IL18BP: variants seen among roughly 807,000 people sequenced by gnomAD.
IL18BP encodes interleukin-18-binding protein.
In IL18BP, 23 loss-of-function variants were observed where a neutral mutation model predicts 19.9. The ratio of observed to expected loss-of-function variants is 1.15; its 90% CI spans 0.83 to 1.64. The LOEUF (loss-of-function observed/expected upper bound fraction) is 1.64. Among genes scored for constraint, IL18BP ranks in the 40% most tolerant of loss-of-function variants. The pLI, the probability that IL18BP is intolerant of heterozygous loss-of-function variation, is 0.00. For synonymous variants in IL18BP, 107 were observed against 101.0 expected (o/e 1.06, Z -0.35); for missense variants, 239 against 240.7 (o/e 0.99, Z 0.05).
In IL18BP at chr11:72,001,562, C is replaced by G; in HGVS notation, c.507+10C>G. The G allele has an allele frequency of 6.2e-7, 1 of 1,609,834 alleles. No individual in the cohort carries two copies. Among genetic ancestry groups the G allele is most frequent in the South Asian group, 1.1e-5 (1 of 90,354 alleles). Reference sequence around the variant, plus strand: ...CCTGGCCCAGCTCTGGGTGAGGAGCCCAAGGAGAGGCCTCCAGGAACAGGA... The same window carrying G: ...CCTGGCCCAGCTCTGGGTGAGGAGCGCAAGGAGAGGCCTCCAGGAACAGGA... On this transcript the variant is annotated intron_variant, in intron 5 of 5. Coordinates refer to ENST00000393703, the MANE Select transcript of IL18BP (RefSeq NM_001039660.2).
At chr11:72,003,226 C>G (rs1309333019), downstream of IL18BP, 2 of 466,716 alleles carry the variant, frequency 4.3e-6, no homozygotes, top group Non-Finnish European at 7.8e-6. Context: ...AAGGACCCAG[C>G]CATCAAAACC....
chr11:72,007,306 A>G, downstream of IL18BP: 5 of 1,613,172 alleles, frequency 3.1e-6, no homozygotes, highest in Non-Finnish European at 4.2e-6. Context: ...GGGGGGCCTG[A>G]CTCCGAGCAG....
downstream of IL18BP, chr11:72,007,710 A>G: frequency 4.0e-6 from 2 of 495,860 alleles, no homozygotes; most frequent in Non-Finnish European, 7.2e-6. Flanking sequence ...CACAGCAAAC[A>G]CGTCCCAATC....
At chr11:72,005,249 TAGC>T (rs1217981689), downstream of IL18BP, 1 of 1,602,188 alleles carries the variant, frequency 6.2e-7, no homozygotes. Flanking sequence ...CTCCAGGGGA[TAGC>T]AGGTCTTCAG....
In IL18BP at chr11:72,001,951, A is replaced by G; in HGVS notation, c.*90A>G. 19 of 1,568,978 alleles carry G rather than the reference A, an allele frequency of 1.2e-5. No individual in the cohort carries two copies. The South Asian group carries it at 2.2e-4, about 18-fold the overall frequency. ...GAGTGAACAGTCCCTGACTGCCTGTAGGCTGCGTGGATGCGCAACACACCC... is the reference window on the plus strand; with the variant it reads ...GAGTGAACAGTCCCTGACTGCCTGTGGGCTGCGTGGATGCGCAACACACCC... On this transcript the variant is annotated 3_prime_UTR_variant, in exon 6 of 6. Transcript: ENST00000393703.
At chr11:72,006,238 C>T (rs1307551246), downstream of IL18BP, 1 of 1,614,162 alleles carries the variant, frequency 6.2e-7, no homozygotes, top group East Asian at 2.2e-5. Flanking sequence ...TGAGTTGGCG[C>T]TGTCTGGCTC....
downstream of IL18BP, chr11:72,005,821 C>T (rs1336915494): frequency 3.3e-5 from 19 of 575,892 alleles, no homozygotes; most frequent in South Asian, 3.2e-4. Flanking sequence ...GAATCCCGGG[C>T]CCTTAACTCT....
downstream of IL18BP, chr11:72,005,717 G>A (rs1955639518): frequency 2.0e-6 from 1 of 498,056 alleles, no homozygotes; most frequent in African/African-American, 2.0e-5. Flanking sequence ...GAGCTTCCAA[G>A]AAGAGTCTGG....
downstream of IL18BP, chr11:72,006,282 C>T (rs1421820502): frequency 4.3e-6 from 7 of 1,609,218 alleles, no homozygotes; most frequent in South Asian, 1.1e-5. Context: ...CAGAGTGAAT[C>T]TGTTGCAGTG....
At chr11:72,003,549 C>T (rs1955408757), downstream of IL18BP, 2 of 1,614,178 alleles carry the variant, frequency 1.2e-6, no homozygotes, top group East Asian at 4.5e-5. Context: ...CTGAAAGAGA[C>T]ACAGTCACAT....
chr11:71,999,371 G>C (rs1363538074), intron 1 of IL18BP: 21 of 310,804 alleles, frequency 6.8e-5, no homozygotes, highest in Non-Finnish European at 1.1e-4. Context: ...GAATTGATCT[G>C]TGAGAGACTC....
chr11:72,000,136 T>C (rs1394012452), intron 2 of IL18BP, 124 bp downstream of exon 2: 1 of 1,059,526 alleles, frequency 9.4e-7, no homozygotes, highest in African/African-American at 1.6e-5. Context: ...GTGCTGTTGC[T>C]TTAAGAACCT....
At chr11:72,000,991 C>T (rs1385199841) in intron 3 of IL18BP, among the ~76,000 whole-genome samples, 2 of 152,220 alleles carry the variant, frequency 1.3e-5, no homozygotes, top group African/African-American at 4.8e-5. Flanking sequence ...GAACCAAGGA[C>T]CATTCCTCAC....
Position 72,001,778 on chromosome 11 carries a change from C to A in IL18BP, c.508-6C>A, listed in dbSNP as rs1354174018. ...GCCTGATCCTTGTCTGCCTTCACTT[C>A]CCTAGGCTGGGCTGAGGGCAACCTT... On this transcript the variant is annotated splice_polypyrimidine_tract_variant and splice_region_variant and intron_variant, in intron 5 of 5. Transcript: ENST00000393703. 2 of 1,614,012 alleles carry A rather than the reference C, an allele frequency of 1.2e-6. No homozygotes were observed. Among genetic ancestry groups the A allele is most frequent in the African/African-American group, 1.3e-5 (1 of 74,914 alleles).
chr11:72,005,255 G>C (rs773021038), downstream of IL18BP: 1 of 1,602,978 alleles, frequency 6.2e-7, no homozygotes, highest in East Asian at 2.3e-5. Context: ...GGGATAGCAG[G>C]TCTTCAGATG....
At position 72,001,907 on chromosome 11, in the gene IL18BP, G is replaced by C. The variant is rs201470723; in HGVS notation, c.*46G>C. The C allele has an allele frequency of 6.2e-7, 1 of 1,612,214 alleles. No homozygotes were observed. Among genetic ancestry groups the C allele is most frequent in the African/African-American group, 1.3e-5 (1 of 74,938 alleles). On this transcript the variant is annotated 3_prime_UTR_variant, in exon 6 of 6. Coordinates refer to ENST00000393703, the MANE Select transcript of IL18BP (RefSeq NM_001039660.2). ...GCAGCACAACCTTGACCAGAGCTTG[G>C]GTCCTACCTGTCTACCTGGAGTGAA...
chr11:72,003,811 G>T, downstream of IL18BP: 1 of 1,471,906 alleles, frequency 6.8e-7, no homozygotes, highest in Non-Finnish European at 9.4e-7. Flanking sequence ...CATCTTGGAT[G>T]CTACTTGGTG....
At chr11:72,007,852 C>T (rs1266211777), downstream of IL18BP, 7 of 350,926 alleles carry the variant, frequency 2.0e-5, no homozygotes, top group Non-Finnish European at 3.8e-5. Context: ...AATCACCAAG[C>T]TTCCTGAACA....
chr11:72,006,247 T>A (rs1431099273), downstream of IL18BP: 4 of 1,614,000 alleles, frequency 2.5e-6, no homozygotes, highest in Admixed American at 6.7e-5. Flanking sequence ...GCTGTCTGGC[T>A]CTTCCACATC....
Sources: gnomAD v4.1 joint callset for allele counts (sites outside exome capture counted in the v4.1 genomes callset) on GRCh38, gnomAD v4.1.1 for gene constraint, MANE v1.5 for transcripts, NCBI Gene and HGNC (gene_info 2026-07-23, HGNC 2026-07-21) for gene names.